The following GREB1 variants were observed in gnomAD, a reference collection of about 807,000 sequenced individuals.
The protein encoded by GREB1 is protein GREB1.
GREB1 carries 106 observed loss-of-function variants against 200.7 expected under a neutral mutation model. The observed-to-expected ratio is 0.53, with a 90% CI of 0.45 to 0.62. The LOEUF is 0.62. Among genes scored for constraint, GREB1 ranks in the 20% least tolerant of loss-of-function variants. The pLI is 0.00. For synonymous variants in GREB1, 1,132 were observed against 1,092.4 expected (o/e 1.04, Z -0.72); for missense variants, 2,243 against 2,556.8 (o/e 0.88, Z 2.65).
At chr2:11,624,203 C>T (rs1031917921) in intron 23 of GREB1, among the ~76,000 whole-genome samples, 2 of 152,166 alleles carry the variant, frequency 1.3e-5, no homozygotes, top group Non-Finnish European at 2.9e-5. Flanking sequence ...ATTTGCTCAC[C>T]GCTTACTCAC....
In GREB1 at chr2:11,548,636, C is replaced by G. The variant is rs1675522269; in HGVS notation, c.-161-7818C>G. 6.6e-6 allele frequency among the ~76,000 whole-genome samples: 1 copy of G among 152,080 alleles called. No individual in the cohort carries two copies. Among genetic ancestry groups the G allele is most frequent in the Admixed American group, 6.5e-5 (1 of 15,274 alleles). On this transcript the variant is annotated intron_variant, in intron 1 of 32. Transcript: ENST00000381486. The surrounding 1 kb of genome is among the most constrained non-coding windows in gnomAD (Gnocchi z 5.1). ...TGTTGCCCTGTTTTCTTCTTGGAGGCCTCCTTCCTGGAGCCTTCTGTCCCT... is the reference window on the plus strand; with the variant it reads ...TGTTGCCCTGTTTTCTTCTTGGAGGGCTCCTTCCTGGAGCCTTCTGTCCCT...
At chr2:11,540,377 G>T (rs2148518539) in intron 1 of GREB1, among the ~76,000 whole-genome samples, 1 of 152,360 alleles carries the variant, frequency 6.6e-6, no homozygotes, top group South Asian at 2.1e-4. Flanking sequence ...TCAAAACACT[G>T]CTTGGGCCCT....
chr2:11,637,876 C>T lies in GREB1; in HGVS notation c.5507C>T (p.Pro1836Leu). 6.2e-7 allele frequency: 1 copy of T among 1,614,212 alleles called. No individual in the cohort carries two copies. Among genetic ancestry groups the T allele is most frequent in the Non-Finnish European group, 8.5e-7 (1 of 1,180,038 alleles). ...CTGTCCCTGAAGAACCATGACCACC[C>T]AGTGCTGTCTGTCGACTGTTACCTG... ...FPLSLKNHDH[P>L]VLSVDCYLNL... The change falls in exon 31 of 33, where the codon CCA (proline) becomes CTA (leucine). Residue 1836 changes from proline to leucine, a missense_variant. Coordinates refer to ENST00000381486, the MANE Select transcript of GREB1 (RefSeq NM_014668.4).
intron 1 of GREB1, among the ~76,000 whole-genome samples, chr2:11,543,797 G>T (rs576359414): frequency 1.3e-5 from 2 of 152,144 alleles, no homozygotes; most frequent in African/African-American, 4.8e-5. Context: ...TCAGCACCTC[G>T]TGGGCCTCGG....
chr2:11,560,661 A>G (rs1353628445), intron 2 of GREB1, among the ~76,000 whole-genome samples: 1 of 151,750 alleles, frequency 6.6e-6, no homozygotes, highest in Non-Finnish European at 1.5e-5. Context: ...AGATCGCACC[A>G]TTTTACTCCA....
intron 1 of GREB1, among the ~76,000 whole-genome samples, chr2:11,496,202 C>T (rs1396186747): frequency 6.6e-6 from 1 of 152,132 alleles, no homozygotes; most frequent in Non-Finnish European, 1.5e-5. Flanking sequence ...AGATCAGGCA[C>T]CGGCCACTGT....
In GREB1 at chr2:11,596,125, AT is replaced by A; in HGVS notation, c.1844del (p.Leu615CysfsTer53). ...STLCPEGDIDILLDKFHQENQ... is the reference protein window; with the variant it reads ...STLCPEGDIDXLLDKFHQENQ... Reference sequence around the variant, plus strand: ...GTCTTGGGCAGAGGGTGACATTGACATTTTGCTGGACAAATTTCACCAGGAA... The same window carrying A: ...GTCTTGGGCAGAGGGTGACATTGACATTTGCTGGACAAATTTCACCAGGAA... On this transcript the variant is annotated frameshift_variant, in exon 13 of 33. Transcript: ENST00000381486. LOFTEE classifies it high-confidence loss of function. 1 of 1,613,606 alleles carries A rather than the reference AT, an allele frequency of 6.2e-7. No homozygotes were observed. Among genetic ancestry groups the A allele is most frequent in the Non-Finnish European group, 8.5e-7 (1 of 1,179,714 alleles).
intron 1 of GREB1, among the ~76,000 whole-genome samples, chr2:11,494,812 A>G (rs1385363728): frequency 3.9e-5 from 6 of 152,158 alleles, no homozygotes; most frequent in African/African-American, 9.7e-5. Context: ...GTGGCTGCCA[A>G]AATCCAGCGA....
Position 11,581,020 on chromosome 2 carries a change from A to G in GREB1, c.901+188A>G, listed in dbSNP as rs530605452. The G allele has an allele frequency of 1.2e-4, 86 of 736,854 alleles. 1 individual carries two copies. Among genetic ancestry groups the G allele is most frequent in the African/African-American group, 1.2e-3 (67 of 57,560 alleles). 45.6% of individuals were successfully genotyped at this position (736,854 alleles called of 1,614,324 possible). A position where few individuals can be genotyped will look rare whatever the true frequency, so the allele number is the denominator to read the frequency against. ...GTCTGGGCCCAGGCCCTGGTGCTCT[A>G]TGAGTGACACTTGGGAGTTACCGTA... On this transcript the variant is annotated intron_variant, in intron 7 of 32. Transcript: ENST00000381486.
intron 1 of GREB1, among the ~76,000 whole-genome samples, chr2:11,520,111 C>T (rs1273389334): frequency 1.3e-5 from 2 of 152,168 alleles, no homozygotes; most frequent in African/African-American, 2.4e-5. Context: ...GTACCCCAAT[C>T]TGGGAGACAG....
intron 19 of GREB1, among the ~76,000 whole-genome samples, chr2:11,614,836 C>CT (rs1167093955): frequency 7.9e-6 from 1 of 126,864 alleles, no homozygotes; most frequent in Non-Finnish European, 1.8e-5. Context: ...GTGCTGCAAG[C>CT]CCCTTTTTTA....
intron 1 of GREB1, among the ~76,000 whole-genome samples, chr2:11,536,480 G>T (rs1674298452): frequency 6.6e-6 from 1 of 152,192 alleles, no homozygotes; most frequent in African/African-American, 2.4e-5. Context: ...TCTGCTTTTT[G>T]AAAGTTATCA....
intron 25 of GREB1, among the ~76,000 whole-genome samples, chr2:11,627,346 C>T (rs377438963): frequency 2.6e-5 from 4 of 152,294 alleles, no homozygotes; most frequent in South Asian, 2.1e-4. Flanking sequence ...TGGAGGTGGT[C>T]GTCATCTTTA....
At chr2:11,577,358 A>C (rs960506212) in intron 5 of GREB1, among the ~76,000 whole-genome samples, 1 of 152,176 alleles carries the variant, frequency 6.6e-6, no homozygotes, top group East Asian at 1.9e-4. Context: ...AAGGCTGAGA[A>C]CCTGACTTAA....
intron 1 of GREB1, among the ~76,000 whole-genome samples, chr2:11,505,796 G>A (rs1255112278): frequency 6.6e-6 from 1 of 152,030 alleles, no homozygotes. Flanking sequence ...GCAGTGAGCT[G>A]TGATCACACC....
intron 3 of GREB1, 61 bp from the exon 4 acceptor site, chr2:11,566,419 C>T: frequency 6.6e-7 from 1 of 1,509,400 alleles, no homozygotes; most frequent in South Asian, 1.3e-5. Context: ...CTCCCTTTGC[C>T]CCTGTGACCC....
chr2:11,514,205 G>A (rs907059838), intron 1 of GREB1, among the ~76,000 whole-genome samples: 12 of 152,230 alleles, frequency 7.9e-5, no homozygotes, highest in African/African-American at 2.9e-4. Context: ...CCAAATGTGT[G>A]TGTGCCAGAT....
chr2:11,611,436 C>T (rs970687189), intron 18 of GREB1, among the ~76,000 whole-genome samples: 2 of 152,188 alleles, frequency 1.3e-5, no homozygotes, highest in Non-Finnish European at 2.9e-5. Flanking sequence ...CCTCAGGCTC[C>T]TGAGTAGCTG....
intron 23 of GREB1, among the ~76,000 whole-genome samples, chr2:11,623,828 G>A (rs377483634): frequency 6.6e-6 from 1 of 152,278 alleles, no homozygotes; most frequent in African/African-American, 2.4e-5. Flanking sequence ...GGCGGAGATT[G>A]CAGTGAGCTG....
Sources: gnomAD v4.1 joint callset for allele counts (sites outside exome capture counted in the v4.1 genomes callset) on GRCh38, gnomAD v4.1.1 for gene constraint, Gnocchi (gnomAD v3.1) non-coding constraint, MANE v1.5 for transcripts, NCBI Gene and HGNC (gene_info 2026-07-23, HGNC 2026-07-21) for gene names.